Variants in WDFY2 observed in about 807,000 individuals in gnomAD.
WDFY2 encodes WD repeat and FYVE domain containing 2.
Under a neutral mutation model 56.4 loss-of-function variants are expected in WDFY2, and 36 were observed. That is an observed-to-expected ratio of 0.64 (90% confidence interval 0.49 to 0.84). WDFY2 has a LOEUF of 0.84. Ranked by LOEUF, WDFY2 falls within the 40% of genes least tolerant of loss-of-function variation. The pLI, the probability that WDFY2 is intolerant of heterozygous loss-of-function variation, is 0.00. For missense variants in WDFY2, 444 were observed against 512.2 expected, an observed-to-expected ratio of 0.87 and a Z score of 1.29; for synonymous variants, 176 against 183.7, an observed-to-expected ratio of 0.96 and a Z score of 0.34.
chr13:51,749,107 C>G (rs1376195428), intron 7 of WDFY2, among the ~76,000 whole-genome samples: 2 of 152,082 alleles, frequency 1.3e-5, no homozygotes, highest in Admixed American at 6.5e-5. Flanking sequence ...TTTTTCTCAT[C>G]AAAATTTTTT....
chr13:51,719,080 T>G, intron 4 of WDFY2, 118 bp from the exon 5 acceptor site: 1 of 1,401,582 alleles, frequency 7.1e-7, no homozygotes, highest in Non-Finnish European at 9.9e-7. Flanking sequence ...CTTAAAATGG[T>G]TCTGCTGTTC....
chr13:51,694,271 C>T (rs1951813696), intron 3 of WDFY2, among the ~76,000 whole-genome samples: 1 of 152,212 alleles, frequency 6.6e-6, no homozygotes, highest in Non-Finnish European at 1.5e-5. Context: ...GCAGTTTCTT[C>T]CTAGCCTTGA....
At chr13:51,591,872 T>C (rs1168910258) in intron 1 of WDFY2, 2 of 152,162 alleles carry the variant, frequency 1.3e-5, no homozygotes, top group African/African-American at 4.8e-5. Context: ...GGCCTGCTTT[T>C]CTGAAATTCC....
intron 1 of WDFY2, chr13:51,599,427 G>T: frequency 6.3e-6 from 1 of 157,888 alleles, no homozygotes. Flanking sequence ...CAGTAAAGCT[G>T]CTCACAAAGA....
At chr13:51,705,084 T>C (rs1047983861) in intron 4 of WDFY2, among the ~76,000 whole-genome samples, 1 of 152,206 alleles carries the variant, frequency 6.6e-6, no homozygotes, top group African/African-American at 2.4e-5. Flanking sequence ...CCAGCTGCCA[T>C]GTTGTGAGCT....
chr13:51,600,106 C>T (rs1431668454), intron 1 of WDFY2, among the ~76,000 whole-genome samples: 2 of 152,146 alleles, frequency 1.3e-5, no homozygotes, highest in South Asian at 2.1e-4. Context: ...TTCTCTTCTG[C>T]CCTGTGGTCC....
At chr13:51,661,237 A>G (rs1955605650) in intron 2 of WDFY2, among the ~76,000 whole-genome samples, 1 of 152,174 alleles carries the variant, frequency 6.6e-6, no homozygotes, top group Non-Finnish European at 1.5e-5. Flanking sequence ...AGATTATTCC[A>G]CTGGCAGAAG....
intron 5 of WDFY2, among the ~76,000 whole-genome samples, chr13:51,724,635 C>A (rs1952566363): frequency 6.6e-6 from 1 of 152,132 alleles, no homozygotes. Context: ...TCATGACCTC[C>A]ACATGCATGG....
At chr13:51,759,527 G>A (rs1953513692) in intron 11 of WDFY2, among the ~76,000 whole-genome samples, 3 of 152,154 alleles carry the variant, frequency 2.0e-5, no homozygotes, top group Admixed American at 2.0e-4. Flanking sequence ...TTCTTCATGA[G>A]CTGCATCAAA....
chr13:51,706,136 A>T (rs1202278736), intron 4 of WDFY2, among the ~76,000 whole-genome samples: 1 of 152,216 alleles, frequency 6.6e-6, no homozygotes, highest in Non-Finnish European at 1.5e-5. Flanking sequence ...GGATTACAAA[A>T]AATTGATAAC....
chr13:51,666,740 A>G lies in WDFY2; in HGVS notation c.205+6077A>G, dbSNP rs190400950. On this transcript the variant is annotated intron_variant, in intron 2 of 11. Transcript: ENST00000298125. Reference sequence around the variant, plus strand: ...CACACACACACTCTCTCTCTCTCTTAGTCATAACTTATTTTTGCTTATTTG... The same window carrying G: ...CACACACACACTCTCTCTCTCTCTTGGTCATAACTTATTTTTGCTTATTTG... Among the ~76,000 whole-genome samples the G allele has an allele frequency of 1.9e-3, 294 of 152,082 alleles. 1 individual carries two copies. Among genetic ancestry groups the G allele is most frequent in the African/African-American group, 4.6e-3 (190 of 41,492 alleles).
At chr13:51,744,185 G>A (rs555372379) in intron 7 of WDFY2, among the ~76,000 whole-genome samples, 13 of 152,338 alleles carry the variant, frequency 8.5e-5, no homozygotes, top group Admixed American at 5.9e-4. Context: ...ATGCATATAG[G>A]AGAGTGAGAT....
chr13:51,611,202 A>C (rs1452737855), intron 1 of WDFY2, among the ~76,000 whole-genome samples: 1 of 152,230 alleles, frequency 6.6e-6, no homozygotes, highest in Non-Finnish European at 1.5e-5. Flanking sequence ...GGTACATAGT[A>C]GGTGCTCAGA....
chr13:51,618,187 A>G (rs1954656589), intron 1 of WDFY2, among the ~76,000 whole-genome samples: 1 of 152,236 alleles, frequency 6.6e-6, no homozygotes. Flanking sequence ...GCATATTAGT[A>G]TCAACACTTC....
intron 1 of WDFY2, among the ~76,000 whole-genome samples, chr13:51,604,500 G>A (rs1436092495): frequency 6.6e-6 from 1 of 152,180 alleles, no homozygotes; most frequent in Non-Finnish European, 1.5e-5. Flanking sequence ...TGGAAGCCAA[G>A]TTCAGAAGGT....
At chr13:51,596,327 A>G (rs141324115) in intron 1 of WDFY2, among the ~76,000 whole-genome samples, 93 of 152,282 alleles carry the variant, frequency 6.1e-4, no homozygotes, top group African/African-American at 2.2e-3. Flanking sequence ...AATGGATTAA[A>G]TTGGTTTGGA....
At chr13:51,748,989 C>A (rs1953166071) in intron 7 of WDFY2, among the ~76,000 whole-genome samples, 1 of 152,080 alleles carries the variant, frequency 6.6e-6, no homozygotes. Context: ...TTTCCAGAAG[C>A]TACATGATAA....
chr13:51,729,806 T>TA (rs1325185896), intron 6 of WDFY2, among the ~76,000 whole-genome samples: 23 of 152,370 alleles, frequency 1.5e-4, no homozygotes, highest in African/African-American at 5.5e-4. Context: ...TGCTTCTTTT[T>TA]AAAAAATTGT....
chr13:51,727,823 T>TC, intron 6 of WDFY2, 33 bp downstream of exon 6: 4 of 1,573,376 alleles, frequency 2.5e-6, no homozygotes, highest in Non-Finnish European at 3.5e-6. Context: ...CATGTGCTGA[T>TC]AGCACAGTGA....
Sources: allele counts gnomAD v4.1 joint callset (sites outside exome capture counted in the v4.1 genomes callset), GRCh38; gene constraint gnomAD v4.1.1; transcripts MANE v1.5; gene names NCBI Gene and HGNC (gene_info 2026-07-23, HGNC 2026-07-21).